SLCO3A1: variants seen among roughly 807,000 people sequenced by gnomAD.
SLCO3A1 encodes PGE1 transporter.
A neutral mutation model predicts 63.1 loss-of-function variants in SLCO3A1; 27 were observed. The ratio of observed to expected loss-of-function variants is 0.43; its 90% confidence interval spans 0.32 to 0.59. The LOEUF (loss-of-function observed/expected upper bound fraction) is 0.59, where lower values mean the gene tolerates loss of function less well. Ranked by LOEUF, SLCO3A1 falls within the 20% of genes least tolerant of loss-of-function variation. The pLI, the probability that SLCO3A1 is intolerant of heterozygous loss-of-function variation, is 0.09. For synonymous variants in SLCO3A1, 473 were observed against 409.9 expected (o/e 1.15, Z -1.86); for missense variants, 773 against 945.8 (o/e 0.82, Z 2.40).
At chr15:92,071,395 G>C (rs1437492430) in intron 2 of SLCO3A1, among the ~76,000 whole-genome samples, 1 of 152,228 alleles carries the variant, frequency 6.6e-6, no homozygotes, top group Non-Finnish European at 1.5e-5. Context: ...GGACAGTGTG[G>C]AGGGCTCTGC....
rs56364814 is a variant in SLCO3A1, at chr15:91,894,953, A to G, written c.181-21040A>G. Reference sequence around the variant, plus strand: ...TTCCTAATCCATACCTGCATCCTGGACTTGTGGCTGTGAGTCTCCAGAGAC... The same window carrying G: ...TTCCTAATCCATACCTGCATCCTGGGCTTGTGGCTGTGAGTCTCCAGAGAC... On this transcript the variant is annotated intron_variant, in intron 1 of 9. Coordinates refer to ENST00000318445, the MANE Select transcript of SLCO3A1 (RefSeq NM_013272.4). This position sits in a 1 kb window ranked among gnomAD's most constrained non-coding sequence, Gnocchi z 4.8. Among the ~76,000 whole-genome samples the G allele has an allele frequency of 0.045, 6,923 of 152,190 alleles. 530 individuals carry two copies. Among genetic ancestry groups the G allele is most frequent in the African/African-American group, 0.16 (6,620 of 41,506 alleles).
chr15:92,059,483 C>T (rs1335912819), intron 2 of SLCO3A1, among the ~76,000 whole-genome samples: 3 of 152,220 alleles, frequency 2.0e-5, no homozygotes, highest in African/African-American at 4.8e-5. Flanking sequence ...CCCAGGGCTT[C>T]ACAGGACACA....
chr15:91,952,201 G>A (rs1030885982), intron 2 of SLCO3A1, among the ~76,000 whole-genome samples: 1 of 152,148 alleles, frequency 6.6e-6, no homozygotes, highest in Admixed American at 6.5e-5. Flanking sequence ...ATCCTTTGCC[G>A]TTTTTAAATT....
chr15:92,018,416 G>A (rs1041389043), intron 2 of SLCO3A1, among the ~76,000 whole-genome samples: 1 of 152,128 alleles, frequency 6.6e-6, no homozygotes, highest in Non-Finnish European at 1.5e-5. Context: ...AGAACATGGT[G>A]CTCCCTCCCT....
chr15:92,147,082 C>T lies in SLCO3A1; in HGVS notation c.1611C>T (p.Leu537=). The T allele has an allele frequency of 6.2e-7, 1 of 1,614,188 alleles. No individual in the cohort carries two copies. Among genetic ancestry groups the T allele is most frequent in the Non-Finnish European group, 8.5e-7 (1 of 1,180,028 alleles). ...GTCCTGGGTGCCAAGAGGCCTTCCT[C>T]ACTTTCCTCTGTGTGATGTGTATCT... is the stretch of plus-strand genomic sequence containing the variant. ...CPSPGCQEAF[L]TFLCVMCICS... Residue 537 remains leucine (L), a synonymous_variant, in exon 8 of 10, where the codon CTC becomes CTT. Coordinates refer to ENST00000318445, the MANE Select transcript of SLCO3A1 (RefSeq NM_013272.4).
chr15:91,906,691 G>C (rs1460135957), intron 1 of SLCO3A1, among the ~76,000 whole-genome samples: 3 of 152,160 alleles, frequency 2.0e-5, no homozygotes, highest in Non-Finnish European at 4.4e-5. Flanking sequence ...TCTAATAAAA[G>C]AGCCCTGGCA....
chr15:92,157,200 C>T (rs1001503049), intron 9 of SLCO3A1: 1 of 152,190 alleles, frequency 6.6e-6, no homozygotes, highest in African/African-American at 2.4e-5. Context: ...TGATGGAACC[C>T]TATTAACACC....
In SLCO3A1 at chr15:91,946,710, T is replaced by G. The variant is rs574481732; in HGVS notation, c.646+30252T>G. On this transcript the variant is annotated intron_variant, in intron 2 of 9. Coordinates refer to ENST00000318445, the MANE Select transcript of SLCO3A1 (RefSeq NM_013272.4). ...GTTTCATTTTTCCTAAATATGTCTATGATGCAGTTACATGAAAAAGGAAGC... is the reference window on the plus strand; with the variant it reads ...GTTTCATTTTTCCTAAATATGTCTAGGATGCAGTTACATGAAAAAGGAAGC... 2.4e-4 allele frequency among the ~76,000 whole-genome samples: 37 copies of G among 152,270 alleles called. 2 individuals carry two copies. In the South Asian group the frequency reaches 6.6e-3, roughly 27 times the overall value.
Position 91,881,582 on chromosome 15 carries a change from GAAA to G in SLCO3A1, c.180+27495_180+27497del, listed in dbSNP as rs779091272. Among the ~76,000 whole-genome samples the G allele has an allele frequency of 2.6e-5, 4 of 152,034 alleles. No homozygotes were observed. In the South Asian group the frequency reaches 8.3e-4, roughly 32 times the overall value. On this transcript the variant is annotated intron_variant, in intron 1 of 9. Transcript: ENST00000318445. ...TATTTAAGCTGTTGACCTAAAGAAA[GAAA>G]GAAAGGGTTTTTAGCCTTGAGATGA...
intron 1 of SLCO3A1, chr15:91,889,008 TA>T (rs35585843): frequency 0.031 from 10,329 of 328,972 alleles, no homozygotes; most frequent in Middle Eastern, 0.04. Flanking sequence ...AGACTGTCTC[TA>T]AAAAAAAAAA....
Position 92,020,918 on chromosome 15 carries a change from T to C in SLCO3A1, c.647-73963T>C, listed in dbSNP as rs2046500935. Among the ~76,000 whole-genome samples, 3 of 152,248 alleles carry C rather than the reference T, an allele frequency of 2.0e-5. No individual in the cohort carries two copies. In the South Asian group the frequency reaches 6.2e-4, roughly 32 times the overall value. Reference sequence around the variant, plus strand: ...GTGGTATTTGATAAAGAAGTGAATTTAGTAATAGTGTAAAATTCCTGGCTT... The same window carrying C: ...GTGGTATTTGATAAAGAAGTGAATTCAGTAATAGTGTAAAATTCCTGGCTT... On this transcript the variant is annotated intron_variant, in intron 2 of 9. Transcript: ENST00000318445.
intron 7 of SLCO3A1, 124 bp from the exon 8 acceptor site, chr15:92,146,860 A>C: frequency 1.2e-6 from 1 of 814,020 alleles, no homozygotes; most frequent in Non-Finnish European, 1.9e-6. Flanking sequence ...TCGTTTATTC[A>C]GGCCTAATTA....
At chr15:91,891,529 T>A (rs976122174) in intron 1 of SLCO3A1, among the ~76,000 whole-genome samples, 7 of 152,184 alleles carry the variant, frequency 4.6e-5, no homozygotes, top group African/African-American at 1.7e-4. Flanking sequence ...CCCTCTTACG[T>A]AGGGGTTCTA....
downstream of SLCO3A1, among the ~76,000 whole-genome samples, chr15:92,167,339 G>A (rs1178104004): frequency 6.6e-6 from 1 of 152,202 alleles, no homozygotes; most frequent in African/African-American, 2.4e-5. Context: ...TCCTTTTAGG[G>A]ACCGTTCCCC....
rs1005821732 is a variant in SLCO3A1 at position 92,029,647 on chromosome 15, G to GT, written c.647-65226dup. On this transcript the variant is annotated intron_variant, in intron 2 of 9. Coordinates refer to ENST00000318445, the MANE Select transcript of SLCO3A1 (RefSeq NM_013272.4). ...CCAGGGAAAAAGTACATTTTTGACT[G>GT]TTTTTTTTCCCCTCCTTGTATTTTT... 6.0e-5 allele frequency among the ~76,000 whole-genome samples: 9 copies of GT among 149,874 alleles called. No individual in the cohort carries two copies. In the East Asian group the frequency reaches 9.8e-4, roughly 16 times the overall value.
chr15:91,869,929 A>C (rs1374910301), intron 1 of SLCO3A1, among the ~76,000 whole-genome samples: 1 of 152,090 alleles, frequency 6.6e-6, no homozygotes, highest in African/African-American at 2.4e-5. Context: ...AGGTAAGCTT[A>C]CCTCCTGGAG....
chr15:92,150,801 G>A (rs1004407011), intron 8 of SLCO3A1, 149 bp from the exon 9 acceptor site: 6 of 476,146 alleles, frequency 1.3e-5, no homozygotes, highest in African/African-American at 6.0e-5. Context: ...AAAAAAAAAA[G>A]ACACTATTAG....
At chr15:91,965,721 GGTGTGTGTGTGTGTGTGT>G (rs35543509) in intron 2 of SLCO3A1, among the ~76,000 whole-genome samples, 1 of 147,566 alleles carries the variant, frequency 6.8e-6, no homozygotes, top group Non-Finnish European at 1.5e-5. Flanking sequence ...CAGCCAGCAG[GGTGTGTGTGTGTGTGTGT>G]GTGTGTGTGT....
rs1261757263 is a variant in SLCO3A1 at position 91,872,411 on chromosome 15, A to G, written c.180+18323A>G. 1.3e-5 allele frequency among the ~76,000 whole-genome samples: 2 copies of G among 152,094 alleles called. No individual in the cohort carries two copies. Among genetic ancestry groups the G allele is most frequent in the Admixed American group, 1.3e-4 (2 of 15,270 alleles). On this transcript the variant is annotated intron_variant, in intron 1 of 9. Transcript: ENST00000318445. This position sits in a 1 kb window ranked among gnomAD's most constrained non-coding sequence, Gnocchi z 4.1. ...GCCGGGCATGGTGGCAGTTGCCTGT[A>G]ATCCCAGCTACTCGGCGGGCTGAGG...
Sources: gnomAD v4.1 joint callset for allele counts (sites outside exome capture counted in the v4.1 genomes callset) on GRCh38, gnomAD v4.1.1 for gene constraint, Gnocchi (gnomAD v3.1) non-coding constraint, MANE v1.5 for transcripts, NCBI Gene and HGNC (gene_info 2026-07-23, HGNC 2026-07-21) for gene names.